ARHGAP24: variants seen among roughly 807,000 people sequenced by gnomAD.
ARHGAP24 encodes rho GTPase-activating protein 24.
A neutral mutation model predicts 76.4 loss-of-function variants in ARHGAP24; 50 were observed. The observed-to-expected ratio is 0.65, with a 90% CI of 0.52 to 0.83. ARHGAP24 has a LOEUF of 0.83. Among genes scored for constraint, ARHGAP24 ranks in the 40% least tolerant of loss-of-function variants. The probability of loss-of-function intolerance (pLI) is 0.00; values close to 1 mark genes in which losing one functional copy is unlikely to be tolerated. For synonymous variants in ARHGAP24, 345 were observed against 323.3 expected (o/e 1.07, Z -0.72); for missense variants, 930 against 914.2 (o/e 1.02, Z -0.22).
At chr4:85,830,532 T>A (rs1729939897) in intron 3 of ARHGAP24, among the ~76,000 whole-genome samples, 1 of 152,200 alleles carries the variant, frequency 6.6e-6, no homozygotes, top group Non-Finnish European at 1.5e-5. Context: ...TAAATATGAC[T>A]TTTAGCTTAT....
intron 2 of ARHGAP24, among the ~76,000 whole-genome samples, chr4:85,586,624 G>A (rs1727871170): frequency 6.6e-6 from 1 of 152,178 alleles, no homozygotes. Context: ...ATTGGGCCGG[G>A]CGTGGTGGCT....
chr4:85,962,655 G>A (rs1738330654), intron 5 of ARHGAP24, among the ~76,000 whole-genome samples: 1 of 151,648 alleles, frequency 6.6e-6, no homozygotes, highest in South Asian at 2.1e-4. Context: ...GCATTCCTTA[G>A]TATTTATGTT....
At chr4:85,573,374 C>T (rs1727217589) in intron 2 of ARHGAP24, among the ~76,000 whole-genome samples, 1 of 152,058 alleles carries the variant, frequency 6.6e-6, no homozygotes, top group Non-Finnish European at 1.5e-5. Flanking sequence ...CTATGAGTGG[C>T]CTAATTTCTT....
intron 1 of ARHGAP24, among the ~76,000 whole-genome samples, chr4:85,482,536 A>G (rs1051036511): frequency 6.6e-6 from 1 of 152,128 alleles, no homozygotes; most frequent in Non-Finnish European, 1.5e-5. Flanking sequence ...GGAGGATGAA[A>G]GGGGGAGGGG....
intron 3 of ARHGAP24, among the ~76,000 whole-genome samples, chr4:85,810,452 T>C (rs959436171): frequency 1.3e-5 from 2 of 152,202 alleles, no homozygotes; most frequent in African/African-American, 4.8e-5. Flanking sequence ...GCGTGGATTC[T>C]GGGGCCAGAC....
chr4:85,990,250 C>G (rs554509878), intron 8 of ARHGAP24: 1 of 151,808 alleles, frequency 6.6e-6, no homozygotes, highest in African/African-American at 2.4e-5. Context: ...ATAAGACACA[C>G]TCTGAAAACT....
At chr4:85,959,701 C>T (rs1441338077) in intron 5 of ARHGAP24, among the ~76,000 whole-genome samples, 2 of 151,974 alleles carry the variant, frequency 1.3e-5, no homozygotes, top group African/African-American at 4.8e-5. Flanking sequence ...GTTTAATTTC[C>T]TTTGGGACTA....
intron 2 of ARHGAP24, among the ~76,000 whole-genome samples, chr4:85,706,825 A>C (rs1347077257): frequency 1.3e-5 from 2 of 152,120 alleles, no homozygotes; most frequent in Non-Finnish European, 2.9e-5. Context: ...CGGCCTCCCA[A>C]AGTGCTGGGA....
intron 3 of ARHGAP24, among the ~76,000 whole-genome samples, chr4:85,786,512 G>A (rs768395072): frequency 3.9e-5 from 6 of 152,226 alleles, no homozygotes; most frequent in South Asian, 2.1e-4. Context: ...TTTATGAATC[G>A]CCCCCAAAGT....
intron 1 of ARHGAP24, among the ~76,000 whole-genome samples, chr4:85,486,558 G>A (rs763048762): frequency 5.5e-4 from 84 of 152,280 alleles, no homozygotes; most frequent in Middle Eastern, 3.4e-3. Flanking sequence ...ATGACAACTG[G>A]TGTTTATGAT....
At chr4:85,780,651 A>C (rs1043089861) in intron 3 of ARHGAP24, among the ~76,000 whole-genome samples, 1 of 152,214 alleles carries the variant, frequency 6.6e-6, no homozygotes, top group African/African-American at 2.4e-5. Context: ...ACACCAGAAA[A>C]TGAACAAGTT....
chr4:85,722,211 T>A (rs926776975), intron 3 of ARHGAP24: 6 of 460,714 alleles, frequency 1.3e-5, no homozygotes, highest in Non-Finnish European at 1.6e-5. Flanking sequence ...GACTCCATAG[T>A]TGACCACAAG....
At chr4:85,853,564 C>T (rs961167287) in intron 3 of ARHGAP24, among the ~76,000 whole-genome samples, 9 of 152,178 alleles carry the variant, frequency 5.9e-5, no homozygotes, top group East Asian at 1.9e-4. Flanking sequence ...GCGTCTGTCA[C>T]GCTGGGAGCT....
At chr4:85,917,318 A>G (rs1470597016) in intron 3 of ARHGAP24, among the ~76,000 whole-genome samples, 2 of 151,962 alleles carry the variant, frequency 1.3e-5, no homozygotes, top group East Asian at 1.9e-4. Flanking sequence ...ATCATTGTTG[A>G]ACATCTGGGT....
intron 3 of ARHGAP24, among the ~76,000 whole-genome samples, chr4:85,853,510 G>A (rs960372745): frequency 2.0e-5 from 3 of 152,176 alleles, no homozygotes; most frequent in Admixed American, 6.5e-5. Flanking sequence ...CCAATGAGAT[G>A]AACCAGGTAC....
chr4:85,843,062 A>C (rs942699992), intron 3 of ARHGAP24, among the ~76,000 whole-genome samples: 1 of 152,178 alleles, frequency 6.6e-6, no homozygotes, highest in African/African-American at 2.4e-5. Flanking sequence ...AGCAGTAAAA[A>C]CTGAATATTT....
At chr4:85,576,802 A>C (rs1727396694) in intron 2 of ARHGAP24, among the ~76,000 whole-genome samples, 1 of 152,152 alleles carries the variant, frequency 6.6e-6, no homozygotes, top group African/African-American at 2.4e-5. Context: ...CTACACAGCA[A>C]TATAGGAATA....
At chr4:85,732,503 C>T (rs969096389) in intron 3 of ARHGAP24, among the ~76,000 whole-genome samples, 2 of 151,944 alleles carry the variant, frequency 1.3e-5, no homozygotes, top group Non-Finnish European at 2.9e-5. Flanking sequence ...ATGAAGTGGT[C>T]CTGAATGTTT....
chr4:85,893,957 G>T (rs1733983093), intron 3 of ARHGAP24, among the ~76,000 whole-genome samples: 2 of 116,638 alleles, frequency 1.7e-5, no homozygotes, highest in African/African-American at 3.3e-5. Context: ...GGTGGGGTGG[G>T]GGGAGGGGGG....
Sources: gnomAD v4.1 joint callset for allele counts (sites outside exome capture counted in the v4.1 genomes callset) on GRCh38, gnomAD v4.1.1 for gene constraint, MANE v1.5 for transcripts, NCBI Gene and HGNC (gene_info 2026-07-23, HGNC 2026-07-21) for gene names.